The following ANK3 variants were observed in gnomAD, a reference collection of about 807,000 sequenced individuals.
The protein encoded by ANK3 is ankyrin 3, also known as ankyrin-3.
A neutral mutation model predicts 370.9 loss-of-function variants in ANK3; 57 were observed. That is an observed-to-expected ratio of 0.15 (90% CI 0.12 to 0.19). ANK3 has a LOEUF of 0.19. ANK3 is among the 10% of genes least tolerant of loss of function. The pLI, the probability that ANK3 is intolerant of heterozygous loss-of-function variation, is 1.00. For missense variants in ANK3, 4,439 were observed against 5,302.1 expected (o/e 0.84, Z 5.06); for synonymous variants, 1,929 against 1,946.3 (o/e 0.99, Z 0.23).
intron 7 of ANK3, among the ~76,000 whole-genome samples, chr10:60,260,118 A>G (rs1232264097): frequency 2.0e-5 from 3 of 152,238 alleles, no homozygotes; most frequent in Admixed American, 1.3e-4. Context: ...CTAACAAATT[A>G]TAAGAGGGAA....
rs138800125 is a variant in ANK3, at chr10:60,631,985, C to T, written c.58-16761G>A. Among the ~76,000 whole-genome samples, 427 of 152,162 alleles carry T rather than the reference C, an allele frequency of 2.8e-3. 3 individuals are homozygous for T. Among genetic ancestry groups the T allele is most frequent in the African/African-American group, 9.7e-3 (403 of 41,510 alleles). On this transcript the variant is annotated intron_variant, in intron 1 of 43. Coordinates refer to the ANK3 transcript ENST00000373827. ...TTTACACCTAGATATTATCAAGTGC[C>T]TTAAAGTCTAGTCTCAGCCAAGGAA...
intron 8 of ANK3, among the ~76,000 whole-genome samples, chr10:60,219,134 C>T (rs1028078989): frequency 6.6e-6 from 1 of 151,920 alleles, no homozygotes; most frequent in African/African-American, 2.4e-5. Context: ...TCCATGAGGT[C>T]ATTTATGTTC....
chr10:60,055,062 C>A (rs866773715), intron 42 of ANK3, among the ~76,000 whole-genome samples: 1 of 152,124 alleles, frequency 6.6e-6, no homozygotes, highest in African/African-American at 2.4e-5. Context: ...CATGTTAAGA[C>A]AATCATCATC....
intron 1 of ANK3, among the ~76,000 whole-genome samples, chr10:60,690,340 G>T (rs1227806349): frequency 1.3e-5 from 2 of 152,148 alleles, no homozygotes; most frequent in Admixed American, 1.3e-4. Context: ...TCCTAGCCAA[G>T]CCTTGACAAG....
At chr10:60,279,223 G>A in intron 2 of ANK3, 75 bp from the exon 3 acceptor site, 1 of 1,283,558 alleles carries the variant, frequency 7.8e-7, no homozygotes, top group Non-Finnish European at 1.1e-6. Context: ...AAGAACTCCT[G>A]AGATATTATA....
At chr10:60,331,047 C>A (rs1205353023) in intron 1 of ANK3, among the ~76,000 whole-genome samples, 1 of 150,828 alleles carries the variant, frequency 6.6e-6, no homozygotes, top group Non-Finnish European at 1.5e-5. Context: ...TGTTCTCACT[C>A]ATAAGTGGGA....
chr10:60,217,020 C>T (rs896220104), intron 8 of ANK3, among the ~76,000 whole-genome samples: 3 of 152,016 alleles, frequency 2.0e-5, no homozygotes, highest in African/African-American at 7.3e-5. Context: ...AGGAATTTAA[C>T]CATTTTTTCT....
intron 1 of ANK3, among the ~76,000 whole-genome samples, chr10:60,640,318 G>A (rs1431461729): frequency 1.3e-5 from 2 of 148,748 alleles, no homozygotes; most frequent in Non-Finnish European, 3.0e-5. Flanking sequence ...TACCAAAGCC[G>A]GGCAGAGACA....
At chr10:60,064,073 A>G (rs1043567280) in intron 39 of ANK3, 84 bp downstream of exon 39, 3 of 1,279,344 alleles carry the variant, frequency 2.3e-6, no homozygotes, top group Non-Finnish European at 3.2e-6. Context: ...TTACAACACT[A>G]CTTGGATGAA....
chr10:60,107,127 A>G (rs1362903253), intron 27 of ANK3, among the ~76,000 whole-genome samples: 1 of 152,200 alleles, frequency 6.6e-6, no homozygotes, highest in Non-Finnish European at 1.5e-5. Flanking sequence ...GATGATAAAT[A>G]TGGTCATTTT....
At chr10:60,531,096 AG>A (rs2076595881) in intron 2 of ANK3, among the ~76,000 whole-genome samples, 1 of 152,154 alleles carries the variant, frequency 6.6e-6, no homozygotes, top group Non-Finnish European at 1.5e-5. Flanking sequence ...GGAGAGGATG[AG>A]GTGATTTGCT....
At chr10:60,395,596 C>CTTTCTTTCCTTCTTTCTT (rs2063212591) in intron 2 of ANK3, among the ~76,000 whole-genome samples, 1 of 123,858 alleles carries the variant, frequency 8.1e-6, no homozygotes, top group African/African-American at 3.5e-5. Flanking sequence ...TTCTTTCTTT[C>CTTTCTTTCCTTCTTTCTT]TTTCTTTCTT....
At chr10:60,406,375 A>G (rs2063456422) in intron 2 of ANK3, among the ~76,000 whole-genome samples, 1 of 152,172 alleles carries the variant, frequency 6.6e-6, no homozygotes, top group African/African-American at 2.4e-5. Context: ...CATAAATGAC[A>G]ATTTTCCCAC....
At chr10:60,240,088 A>C (rs1467072754) in intron 7 of ANK3, among the ~76,000 whole-genome samples, 2 of 141,908 alleles carry the variant, frequency 1.4e-5, no homozygotes, top group Non-Finnish European at 1.5e-5. Context: ...TATATACACT[A>C]TATATACACA....
chr10:60,087,002 A>AC lies in ANK3; in HGVS notation c.3541-119_3541-118insG, dbSNP rs1331841073. 1.8e-5 allele frequency: 13 copies of AC among 736,714 alleles called. 1 individual carries two copies. Among genetic ancestry groups the AC allele is most frequent in the Non-Finnish European group, 2.8e-5 (13 of 470,184 alleles). The allele number at this position is 736,714 out of a possible 1,614,324, so 45.6% of individuals were successfully genotyped here. ...CAAAAACAGACAACCAAAAAAAAAA[A>AC]AAAAAAACCCAGGTCTTTTTTAACC... On this transcript the variant is annotated intron_variant, in intron 29 of 43. Transcript: ENST00000280772.
chr10:60,108,270 T>C, intron 27 of ANK3: 1 of 407,842 alleles, frequency 2.5e-6, no homozygotes, highest in South Asian at 1.8e-5. Flanking sequence ...GGAGGATTGG[T>C]AGGAAGATGC....
intron 1 of ANK3, among the ~76,000 whole-genome samples, chr10:60,315,065 T>A (rs1224197996): frequency 6.6e-6 from 1 of 152,162 alleles, no homozygotes; most frequent in Non-Finnish European, 1.5e-5. Context: ...ATTTTCCAGT[T>A]TACGCAGCCC....
At chr10:60,432,021 C>A (rs1256685429) in intron 2 of ANK3, among the ~76,000 whole-genome samples, 2 of 152,102 alleles carry the variant, frequency 1.3e-5, no homozygotes, top group East Asian at 3.9e-4. Flanking sequence ...TCAAAGAAGC[C>A]TAAAATGTGT....
chr10:60,309,108 C>T (rs1466358736), intron 1 of ANK3, among the ~76,000 whole-genome samples: 1 of 152,158 alleles, frequency 6.6e-6, no homozygotes, highest in Non-Finnish European at 1.5e-5. Context: ...AATAATAATG[C>T]CTTCAGGACT....
Sources: allele counts gnomAD v4.1 joint callset (sites outside exome capture counted in the v4.1 genomes callset), GRCh38; gene constraint gnomAD v4.1.1; transcripts MANE v1.5; gene names NCBI Gene and HGNC (gene_info 2026-07-23, HGNC 2026-07-21).